The following TTLL3 variants were observed in gnomAD, a reference collection of about 807,000 sequenced individuals.
TTLL3 encodes the protein tubulin tyrosine ligase like 3.
A neutral mutation model predicts 75.2 loss-of-function variants in TTLL3; 63 were observed. That is an observed-to-expected ratio of 0.84 (90% CI 0.68 to 1.03). The LOEUF (loss-of-function observed/expected upper bound fraction) is 1.03, where lower values mean the gene tolerates loss of function less well. TTLL3 is among the 50% of genes least tolerant of loss of function. The pLI is 0.00. For synonymous variants in TTLL3, 393 were observed against 418.5 expected (o/e 0.94, Z 0.74); for missense variants, 997 against 1,069.9 (o/e 0.93, Z 0.95).
At chr3:9,817,244 G>A (rs933310850) in intron 5 of TTLL3, among the ~76,000 whole-genome samples, 7 of 152,152 alleles carry the variant, frequency 4.6e-5, no homozygotes, top group African/African-American at 1.7e-4. Flanking sequence ...CTAACACGGT[G>A]AAATGCCGTC....
At chr3:9,810,085 C>T (rs762258173), upstream of TTLL3, 4 of 1,422,494 alleles carry the variant, frequency 2.8e-6, no homozygotes, top group East Asian at 3.0e-5. This position sits in a 1 kb window ranked among gnomAD's most constrained non-coding sequence, Gnocchi z 4.4. Flanking sequence ...CTCCTGGTAC[C>T]GCCAGGAGGG....
At position 9,825,900 on chromosome 3, in the gene TTLL3, G is replaced by A; in HGVS notation, c.955G>A (p.Asp319Asn). Residue 319 changes from aspartate (D) to asparagine (N), a missense_variant, in exon 9 of 14, where the codon GAT (aspartate) becomes AAT (asparagine). Transcript: ENST00000685419. ...AVVPQIDMEG[D>N]RNIWIVKPGA... ...GGTACCCCAGATAGACATGGAAGGG[G>A]ATCGCAACATCTGGATCGTGAAGCC... The A allele has an allele frequency of 6.2e-7, 1 of 1,614,184 alleles. No individual in the cohort carries two copies. Among genetic ancestry groups the A allele is most frequent in the Non-Finnish European group, 8.5e-7 (1 of 1,180,028 alleles).
chr3:9,833,308 C>T (rs1244938710), intron 12 of TTLL3, 63 bp downstream of exon 12: 4 of 1,587,280 alleles, frequency 2.5e-6, no homozygotes, highest in Non-Finnish European at 3.4e-6. Context: ...GGCCAGGAGC[C>T]TGGGGCACAG....
chr3:9,816,523 C>CTTT (rs71052206), intron 5 of TTLL3, among the ~76,000 whole-genome samples: 3 of 103,992 alleles, frequency 2.9e-5, no homozygotes, highest in African/African-American at 3.7e-5. Context: ...ACCTGGGTTT[C>CTTT]TTTTTTTTTT....
intron 2 of TTLL3, among the ~76,000 whole-genome samples, chr3:9,811,261 A>G (rs1177321310): frequency 6.7e-6 from 1 of 149,636 alleles, no homozygotes; most frequent in African/African-American, 2.5e-5. Context: ...TCTAGCCCCT[A>G]CCTGTCATCT....
chr3:9,832,976 G>C, intron 11 of TTLL3, 128 bp from the exon 12 acceptor site: 2 of 1,160,510 alleles, frequency 1.7e-6, no homozygotes, highest in South Asian at 1.4e-5. Flanking sequence ...CCATTTCTCA[G>C]CTCAGAAACG....
chr3:9,834,284 C>T (rs2081878467), intron 12 of TTLL3: 2 of 442,076 alleles, frequency 4.5e-6, no homozygotes, highest in Non-Finnish European at 9.1e-6. Context: ...AGTATTCTGC[C>T]TTTGCCTTCA....
chr3:9,828,261 G>A (rs1171519337), intron 10 of TTLL3: 1 of 119,354 alleles, frequency 8.4e-6, no homozygotes, highest in Non-Finnish European at 1.9e-5. Flanking sequence ...AACTTCTAGG[G>A]TGAGAGAAAG....
intron 11 of TTLL3, 93 bp downstream of exon 11, chr3:9,829,488 A>C (rs2081334572): frequency 6.9e-7 from 1 of 1,452,542 alleles, no homozygotes; most frequent in South Asian, 1.4e-5. Flanking sequence ...AGTCAGACCC[A>C]GTTTAAGACC....
At chr3:9,811,116 C>T (rs1339632146) in intron 2 of TTLL3, among the ~76,000 whole-genome samples, 1 of 152,200 alleles carries the variant, frequency 6.6e-6, no homozygotes, top group Non-Finnish European at 1.5e-5. Flanking sequence ...TTTAAAGGTT[C>T]CTCAGCCATT....
At chr3:9,824,276 G>A (rs1454080370) in intron 8 of TTLL3, among the ~76,000 whole-genome samples, 2 of 151,756 alleles carry the variant, frequency 1.3e-5, no homozygotes, top group East Asian at 3.8e-4. Flanking sequence ...ATTAGGCACA[G>A]ATTAAGACAG....
rs1575423416 is a variant in TTLL3 at position 9,835,128 on chromosome 3, TG to T, written c.2089del (p.Glu697LysfsTer9). On this transcript the variant is annotated frameshift_variant, in exon 14 of 14. Transcript: ENST00000685419. LOFTEE classifies it low-confidence loss of function (END_TRUNC). ...PALLCLRGPQ[L>X]EVPCCLCPLK... is the part of the protein sequence containing the mutation. The stretch of plus-strand genomic sequence containing the variant: ...CTCCTGTGCCTCCGAGGCCCCCAGC[TG>T]GAAGTGCCTTGTTGCCTCTGCCCTT... 1.2e-6 allele frequency: 2 copies of T among 1,613,006 alleles called. No individual in the cohort carries two copies. Among genetic ancestry groups the T allele is most frequent in the African/African-American group, 1.3e-5 (1 of 74,906 alleles).
chr3:9,825,554 G>C (rs868842547), intron 8 of TTLL3: 29 of 579,608 alleles, frequency 5.0e-5, no homozygotes, highest in Non-Finnish European at 8.1e-5. Context: ...GTTGGAGTAG[G>C]GGGTGGTTTG....
chr3:9,833,552 C>G (rs1442214356), intron 12 of TTLL3, among the ~76,000 whole-genome samples: 1 of 152,172 alleles, frequency 6.6e-6, no homozygotes, highest in Non-Finnish European at 1.5e-5. Flanking sequence ...ACCATTCCCC[C>G]AAAACACCCG....
chr3:9,827,016 C>G lies in TTLL3; in HGVS notation c.1023C>G (p.His341Gln). ...SRGRGIMCMD[H>Q]LEEMLKLVNG... ...CCGTAGGCATCATGTGCATGGACCA[C>G]CTGGAGGAGATGCTGAAGCTGGTGA... Residue 341 changes from histidine to glutamine, a missense_variant, in exon 10 of 14, where the codon CAC (histidine) becomes CAG (glutamine). Coordinates refer to ENST00000685419, the MANE Select transcript of TTLL3 (RefSeq NM_001387446.1). 6.2e-7 allele frequency: 1 copy of G among 1,614,138 alleles called. No homozygotes were observed. Among genetic ancestry groups the G allele is most frequent in the Admixed American group, 1.7e-5 (1 of 59,998 alleles).
Position 9,833,201 on chromosome 3 carries a change from T to C in TTLL3, c.1781T>C (p.Val594Ala). ...GCGATGTGTCATCGGCGGATGGGGG[T>C]CCGCCCAGCAGTCCCTCTGCTGACC... is the stretch of plus-strand genomic sequence containing the variant. Reference protein sequence around the residue: ...PMAMCHRRMGVRPAVPLLTQR... With the variant: ...PMAMCHRRMGARPAVPLLTQR... Residue 594 changes from valine to alanine, a missense_variant, in exon 12 of 14, where the codon GTC becomes GCC. Coordinates refer to ENST00000685419, the MANE Select transcript of TTLL3 (RefSeq NM_001387446.1). The C allele has an allele frequency of 6.2e-7, 1 of 1,613,704 alleles. No homozygotes were observed. Among genetic ancestry groups the C allele is most frequent in the Non-Finnish European group, 8.5e-7 (1 of 1,179,902 alleles).
intron 10 of TTLL3, chr3:9,827,897 T>A (rs1370312291): frequency 6.6e-6 from 1 of 152,286 alleles, no homozygotes; most frequent in Admixed American, 6.5e-5. Context: ...ATCCAAGCAC[T>A]TTGGGAGGCC....
intron 7 of TTLL3, chr3:9,819,163 C>G (rs1438586305): frequency 1.8e-6 from 1 of 543,120 alleles, no homozygotes; most frequent in African/African-American, 1.9e-5. Context: ...ACTCATCCTT[C>G]CATCCTCCCA....
At chr3:9,820,982 C>A (rs2080358385) in intron 8 of TTLL3, 1 of 536,452 alleles carries the variant, frequency 1.9e-6, no homozygotes, top group Non-Finnish European at 3.2e-6. Flanking sequence ...AGCACATTAC[C>A]CAAAGTGTGT....
Sources: gnomAD v4.1 joint callset for allele counts (sites outside exome capture counted in the v4.1 genomes callset) on GRCh38, gnomAD v4.1.1 for gene constraint, Gnocchi (gnomAD v3.1) non-coding constraint, MANE v1.5 for transcripts, NCBI Gene and HGNC (gene_info 2026-07-23, HGNC 2026-07-21) for gene names.